Variants in KCNQ1 observed in about 807,000 individuals in gnomAD.
KCNQ1 encodes the protein potassium voltage-gated channel subfamily Q member 1, also known as potassium voltage-gated channel subfamily KQT member 1.
KCNQ1 carries 49 observed loss-of-function variants against 72.4 expected under a neutral mutation model. That is an observed-to-expected ratio of 0.68 (90% confidence interval 0.54 to 0.86). KCNQ1 has a LOEUF of 0.86. Among genes scored for constraint, KCNQ1 ranks in the 40% least tolerant of loss-of-function variants. The probability of loss-of-function intolerance (pLI) is 0.00; values close to 1 mark genes in which losing one functional copy is unlikely to be tolerated. For missense variants in KCNQ1, 790 were observed against 945.1 expected, an observed-to-expected ratio of 0.84 and a Z score of 2.15; for synonymous variants, 450 against 412.6, an observed-to-expected ratio of 1.09 and a Z score of -1.10.
Position 2,794,562 on chromosome 11 carries a change from G to A in KCNQ1, c.1794+16525G>A, listed in dbSNP as rs75410098. On this transcript the variant is annotated intron_variant, in intron 15 of 15. Transcript: ENST00000155840. ...ATGTGACTCAGCCCTGAGCCCAGCCGGGCCCCCAAAGATGCTGGACCTTAA... is the reference window on the plus strand; with the variant it reads ...ATGTGACTCAGCCCTGAGCCCAGCCAGGCCCCCAAAGATGCTGGACCTTAA... 8.7e-4 allele frequency among the ~76,000 whole-genome samples: 133 copies of A among 152,300 alleles called. No individual in the cohort carries two copies. In the East Asian group the frequency reaches 0.022, roughly 26 times the overall value.
intron 15 of KCNQ1, among the ~76,000 whole-genome samples, chr11:2,834,502 C>A (rs1208673459): frequency 6.6e-6 from 1 of 152,226 alleles, no homozygotes; most frequent in Non-Finnish European, 1.5e-5. Context: ...GAGGGTCTGT[C>A]TCCAAGGTCT....
At chr11:2,587,130 T>C (rs1848603165) in intron 8 of KCNQ1, among the ~76,000 whole-genome samples, 1 of 152,170 alleles carries the variant, frequency 6.6e-6, no homozygotes, top group South Asian at 2.1e-4. Context: ...GCTCAGCACC[T>C]GCAGGTCCTG....
rs1851082402 is a variant in KCNQ1 at position 2,715,770 on chromosome 11, TGTGA to T, written c.1515-53072_1515-53069del. ...TGGCCACATTCCAGCTGGCCCTGCCTGTGAGGGTTGACCAGCTGGAGCAGCCCCG... is the reference window on the plus strand; with the variant it reads ...TGGCCACATTCCAGCTGGCCCTGCCTGGGTTGACCAGCTGGAGCAGCCCCG... On this transcript the variant is annotated intron_variant, in intron 11 of 15. Transcript: ENST00000155840. This position sits in a 1 kb window ranked among gnomAD's most constrained non-coding sequence, Gnocchi z 4.9. 6.6e-6 allele frequency among the ~76,000 whole-genome samples: 1 copy of T among 152,194 alleles called. No individual in the cohort carries two copies. The highest frequency in any genetic ancestry group is 2.4e-5 in the African/African-American group (1 of 41,448).
intron 1 of KCNQ1, among the ~76,000 whole-genome samples, chr11:2,466,635 C>T (rs1361544752): frequency 6.6e-6 from 1 of 152,126 alleles, no homozygotes; most frequent in Non-Finnish European, 1.5e-5. Context: ...CAGAAGTCCT[C>T]AGGAGAGCTT....
rs1033714179 is a variant in KCNQ1 at position 2,723,679 on chromosome 11, G to A, written c.1515-45165G>A. On this transcript the variant is annotated intron_variant, in intron 11 of 15. Transcript: ENST00000155840. This position sits in a 1 kb window ranked among gnomAD's most constrained non-coding sequence, Gnocchi z 4.2. The stretch of plus-strand genomic sequence containing the variant: ...GTTGGCTGGGCAGGTGGACTGGTCC[G>A]AGCTGAGTGGTCTAGGATGGCCTTG... Among the ~76,000 whole-genome samples, 3 of 152,330 alleles carry A rather than the reference G, an allele frequency of 2.0e-5. No homozygotes were observed. The highest frequency in any genetic ancestry group is 2.9e-5 in the Non-Finnish European group (2 of 68,022).
intron 11 of KCNQ1, among the ~76,000 whole-genome samples, chr11:2,756,454 A>C (rs1444876534): frequency 2.0e-5 from 3 of 152,142 alleles, no homozygotes; most frequent in East Asian, 1.9e-4. Flanking sequence ...AAAAAAAAAA[A>C]AAAACATGAC....
At chr11:2,568,910 A>C (rs1032907490) in intron 2 of KCNQ1, among the ~76,000 whole-genome samples, 31 of 152,026 alleles carry the variant, frequency 2.0e-4, no homozygotes, top group Admixed American at 2.0e-4. Context: ...TTTGAGATGG[A>C]GTCTCACTCT....
chr11:2,824,000 G>A (rs569519290), intron 15 of KCNQ1, among the ~76,000 whole-genome samples: 7 of 152,174 alleles, frequency 4.6e-5, no homozygotes, highest in South Asian at 2.1e-4. Context: ...TGGGCTTCCC[G>A]GGAGTGGAGC....
At position 2,488,588 on chromosome 11, in the gene KCNQ1, G is replaced by T. The variant is rs142980415; in HGVS notation, c.387-39340G>T. 2.3e-4 allele frequency among the ~76,000 whole-genome samples: 35 copies of T among 152,216 alleles called. No homozygotes were observed. Among genetic ancestry groups the T allele is most frequent in the African/African-American group, 6.5e-4 (27 of 41,536 alleles). ...TTGTGATTTAGTTTTGGTAGGTTTC[G>T]TGTTTCTCAGAATTTGTCCATTTCA... On this transcript the variant is annotated intron_variant, in intron 1 of 15. Coordinates refer to ENST00000155840, the MANE Select transcript of KCNQ1 (RefSeq NM_000218.3). The surrounding 1 kb of genome is among the most constrained non-coding windows in gnomAD (Gnocchi z 5.1).
chr11:2,619,867 A>G (rs562397614), intron 10 of KCNQ1: 54 of 397,962 alleles, frequency 1.4e-4, no homozygotes, highest in Non-Finnish European at 2.1e-4. Context: ...TTTAACTTTT[A>G]TTTTTGATTT....
At chr11:2,561,797 G>A (rs979129623) in intron 2 of KCNQ1, among the ~76,000 whole-genome samples, 1 of 152,188 alleles carries the variant, frequency 6.6e-6, no homozygotes, top group Non-Finnish European at 1.5e-5. Context: ...AGCTGTGCAG[G>A]GGCCCAGAAG....
intron 11 of KCNQ1, chr11:2,675,810 A>G (rs1850283332): frequency 5.0e-6 from 2 of 398,604 alleles, no homozygotes; most frequent in Admixed American, 8.8e-5. Flanking sequence ...AGCCACGTGC[A>G]TGCAGGGCTG....
chr11:2,545,848 G>A lies in KCNQ1; in HGVS notation c.477+17830G>A, dbSNP rs1847896254. Among the ~76,000 whole-genome samples, 4 of 152,258 alleles carry A rather than the reference G, an allele frequency of 2.6e-5. No individual in the cohort carries two copies. The South Asian group carries it at 8.3e-4, about 32-fold the overall frequency. On this transcript the variant is annotated intron_variant, in intron 2 of 15. Transcript: ENST00000155840. The stretch of plus-strand genomic sequence containing the variant: ...TGTTACTATCCTTTAAACAGCTATA[G>A]AATTTGTAGCAATGTCTCTTCTCTC...
rs1273656451 is a variant in KCNQ1, at chr11:2,494,394, G to A, written c.387-33534G>A. Among the ~76,000 whole-genome samples the A allele has an allele frequency of 6.6e-6, 1 of 152,150 alleles. No individual in the cohort carries two copies. The highest frequency in any genetic ancestry group is 1.5e-5 in the Non-Finnish European group (1 of 68,026). On this transcript the variant is annotated intron_variant, in intron 1 of 15. Transcript: ENST00000155840. The surrounding 1 kb of genome is among the most constrained non-coding windows in gnomAD (Gnocchi z 4.6). The stretch of plus-strand genomic sequence containing the variant: ...ACTTCCAATACTATGTTGAATGGGA[G>A]TGGTGAGAGAGGGCATCCTTGTCTT...
intron 5 of KCNQ1, among the ~76,000 whole-genome samples, chr11:2,572,606 G>T (rs566970490): frequency 6.6e-6 from 1 of 152,362 alleles, no homozygotes; most frequent in Non-Finnish European, 1.5e-5. Flanking sequence ...GCCCGCGCCG[G>T]CCCAGACAGT....
In KCNQ1 at chr11:2,817,531, T is replaced by A. The variant is rs896484056; in HGVS notation, c.1795-30236T>A. Among the ~76,000 whole-genome samples, 1 of 151,996 alleles carries A rather than the reference T, an allele frequency of 6.6e-6. No individual in the cohort carries two copies. Among genetic ancestry groups the A allele is most frequent in the African/African-American group, 2.4e-5 (1 of 41,354 alleles). On this transcript the variant is annotated intron_variant, in intron 15 of 15. Transcript: ENST00000155840. This position sits in a 1 kb window ranked among gnomAD's most constrained non-coding sequence, Gnocchi z 6.1. ...AGCATGTACCCTGTGAAAGAACAGG[T>A]TCCCCAATTTTGGTTCATGGTACCT...
chr11:2,823,167 G>A (rs888791806), intron 15 of KCNQ1, among the ~76,000 whole-genome samples: 2 of 152,228 alleles, frequency 1.3e-5, no homozygotes, highest in Admixed American at 6.5e-5. Flanking sequence ...AGGAACAGCA[G>A]AGATAAAGAC....
rs931027601 is a variant in KCNQ1 at position 2,641,746 on chromosome 11, C to T, written c.1394-20215C>T. 11 of 398,284 alleles carry T rather than the reference C, an allele frequency of 2.8e-5. No individual in the cohort carries two copies. In the Admixed American group the frequency reaches 3.1e-4, roughly 11 times the overall value. 24.7% of individuals were successfully genotyped at this position (398,284 alleles called of 1,614,324 possible). A position where few individuals can be genotyped will look rare whatever the true frequency, so the allele number is the denominator to read the frequency against. On this transcript the variant is annotated intron_variant, in intron 10 of 15. Transcript: ENST00000155840. ...TAAAGTGTTTCCCCAATGTCTCCTT[C>T]ATTAATAGTGATGTTATAGTTTCAT... is the stretch of plus-strand genomic sequence containing the variant.
chr11:2,641,734 C>T, intron 10 of KCNQ1: 1 of 398,394 alleles, frequency 2.5e-6, no homozygotes, highest in Non-Finnish European at 4.4e-6. Context: ...AGTGTTTCCC[C>T]AATGTCTCCT....
Sources: gnomAD v4.1 joint callset for allele counts (sites outside exome capture counted in the v4.1 genomes callset) on GRCh38, gnomAD v4.1.1 for gene constraint, Gnocchi (gnomAD v3.1) non-coding constraint, MANE v1.5 for transcripts, NCBI Gene and HGNC (gene_info 2026-07-23, HGNC 2026-07-21) for gene names.